Variants in DGLUCY observed in about 807,000 individuals in gnomAD.
The protein encoded by DGLUCY is D-glutamate cyclase, mitochondrial.
In DGLUCY, 58 loss-of-function variants were observed where a neutral mutation model predicts 58.5. The observed-to-expected ratio is 0.99, with a 90% CI of 0.80 to 1.23. The LOEUF (loss-of-function observed/expected upper bound fraction) is 1.23. Ranked by LOEUF, DGLUCY falls within the 50% of genes most tolerant of loss-of-function variation. DGLUCY has a pLI of 0.00. For synonymous variants in DGLUCY, 325 were observed against 314.1 expected (o/e 1.03, Z -0.37); for missense variants, 779 against 784.7 (o/e 0.99, Z 0.09).
At chr14:91,118,232 A>C (rs1595674505) in intron 1 of DGLUCY, among the ~76,000 whole-genome samples, 1 of 150,064 alleles carries the variant, frequency 6.7e-6, no homozygotes, top group African/African-American at 2.5e-5. Flanking sequence ...AGGCACCACC[A>C]CCCCCACCAC....
intron 1 of DGLUCY, among the ~76,000 whole-genome samples, chr14:91,126,705 AAAAT>A (rs58913979): frequency 0.86 from 131,046 of 151,968 alleles, 56,754 homozygotes; most frequent in East Asian, 1. Context: ...CACACACAAA[AAAAT>A]ATGTTACTGG....
At chr14:91,102,673 T>C (rs1016259042) in intron 1 of DGLUCY, among the ~76,000 whole-genome samples, 2 of 151,802 alleles carry the variant, frequency 1.3e-5, no homozygotes, top group East Asian at 3.9e-4. Context: ...GGGAATTGCA[T>C]GTGCTCTAGC....
chr14:91,188,545 G>T (rs1261811132), intron 8 of DGLUCY, among the ~76,000 whole-genome samples: 1 of 152,200 alleles, frequency 6.6e-6, no homozygotes, highest in East Asian at 1.9e-4. Flanking sequence ...ATCACTTTTG[G>T]CTGGGTGTGG....
upstream of DGLUCY, among the ~76,000 whole-genome samples, chr14:91,104,931 T>A (rs1437926840): frequency 1.3e-5 from 2 of 152,236 alleles, no homozygotes; most frequent in South Asian, 4.1e-4. Flanking sequence ...AGAGTTGTGA[T>A]AACTGAATGA....
chr14:91,153,615 G>T (rs114677821), intron 1 of DGLUCY, among the ~76,000 whole-genome samples: 1 of 152,162 alleles, frequency 6.6e-6, no homozygotes, highest in Non-Finnish European at 1.5e-5. Flanking sequence ...CCCTCCCTTG[G>T]GTGTGAGCCT....
chr14:91,170,654 C>T (rs1342225380), intron 5 of DGLUCY, among the ~76,000 whole-genome samples: 1 of 152,122 alleles, frequency 6.6e-6, no homozygotes, highest in African/African-American at 2.4e-5. Context: ...TGTTCTTGGC[C>T]GGAGGTGGCC....
intron 4 of DGLUCY, chr14:91,167,846 A>C: frequency 1.7e-6 from 1 of 605,268 alleles, no homozygotes; most frequent in Non-Finnish European, 2.9e-6. Flanking sequence ...CTATGGCACC[A>C]GCACAGACTG....
chr14:91,216,542 G>C (rs988738986), intron 13 of DGLUCY: 13 of 152,086 alleles, frequency 8.5e-5, no homozygotes, highest in African/African-American at 2.7e-4. Context: ...TACCTGGGAG[G>C]CTGAAGTGGG....
At chr14:91,080,297 G>T (rs568353703) in intron 1 of DGLUCY, among the ~76,000 whole-genome samples, 1 of 152,266 alleles carries the variant, frequency 6.6e-6, no homozygotes, top group East Asian at 1.9e-4. Context: ...AATTCTTGTG[G>T]GTATACACCT....
upstream of DGLUCY, among the ~76,000 whole-genome samples, chr14:91,104,551 A>G (rs1387175990): frequency 6.6e-6 from 1 of 152,140 alleles, no homozygotes; most frequent in Non-Finnish European, 1.5e-5. Flanking sequence ...TGTCAAGGTT[A>G]CCAAGAGCGT....
intron 12 of DGLUCY, 75 bp downstream of exon 12, chr14:91,204,900 A>G (rs768019104): frequency 2.6e-5 from 42 of 1,595,266 alleles, no homozygotes; most frequent in Admixed American, 1.0e-4. Context: ...TGACCAGGCC[A>G]GAAGCTCTTC....
chr14:91,185,353 G>C (rs1435895973), intron 8 of DGLUCY: 2 of 137,246 alleles, frequency 1.5e-5, no homozygotes, highest in Non-Finnish European at 3.0e-5. Context: ...TGCAATCATA[G>C]GTCACTGCAG....
chr14:91,136,270 G>A (rs2046334029), intron 1 of DGLUCY, among the ~76,000 whole-genome samples: 1 of 151,716 alleles, frequency 6.6e-6, no homozygotes, highest in Admixed American at 6.6e-5. Flanking sequence ...TAAAAGAAAA[G>A]GTGTGATACC....
chr14:91,203,401 G>A (rs923463539), intron 11 of DGLUCY, among the ~76,000 whole-genome samples: 4 of 152,184 alleles, frequency 2.6e-5, no homozygotes, highest in African/African-American at 9.7e-5. Context: ...GAATTCTTCC[G>A]CATCTTCCAA....
At chr14:91,223,744 T>C (rs1338704112) in intron 13 of DGLUCY, 2 of 1,279,882 alleles carry the variant, frequency 1.6e-6, no homozygotes, top group Admixed American at 4.8e-5. Flanking sequence ...AAAATCAACC[T>C]CATTTTGTGA....
chr14:91,159,210 G>A (rs1350055543), intron 2 of DGLUCY, among the ~76,000 whole-genome samples: 2 of 151,870 alleles, frequency 1.3e-5, no homozygotes, highest in Non-Finnish European at 2.9e-5. Context: ...ACTTTGAGAA[G>A]CCAAGGTGGG....
chr14:91,128,071 C>T (rs2045817871), intron 1 of DGLUCY, among the ~76,000 whole-genome samples: 1 of 152,080 alleles, frequency 6.6e-6, no homozygotes, highest in African/African-American at 2.4e-5. Context: ...CCCCACCTTA[C>T]ACCCACCTCA....
intron 11 of DGLUCY, among the ~76,000 whole-genome samples, chr14:91,200,871 T>C (rs2050509467): frequency 6.6e-6 from 1 of 152,050 alleles, no homozygotes; most frequent in Non-Finnish European, 1.5e-5. Context: ...GGATTATCAT[T>C]AGTTCTTATA....
At chr14:91,199,008 C>T (rs1030126004) in intron 10 of DGLUCY, among the ~76,000 whole-genome samples, 1 of 152,202 alleles carries the variant, frequency 6.6e-6, no homozygotes, top group African/African-American at 2.4e-5. Flanking sequence ...TTGTGTTAGA[C>T]TCACTCCTTT....
Sources: gnomAD v4.1 joint callset for allele counts (sites outside exome capture counted in the v4.1 genomes callset) on GRCh38, gnomAD v4.1.1 for gene constraint, MANE v1.5 for transcripts, NCBI Gene and HGNC (gene_info 2026-07-23, HGNC 2026-07-21) for gene names.